The following RBM43 variants were observed in gnomAD, a reference collection of about 807,000 sequenced individuals.
The protein encoded by RBM43 is RNA-binding protein 43.
RBM43 carries 12 observed loss-of-function variants against 12.4 expected under a neutral mutation model. That is an observed-to-expected ratio of 0.97 (90% CI 0.62 to 1.57). The LOEUF (loss-of-function observed/expected upper bound fraction) is 1.57, where lower values mean the gene tolerates loss of function less well. Ranked by LOEUF, RBM43 falls within the 40% of genes most tolerant of loss-of-function variation. The probability of loss-of-function intolerance (pLI) is 0.00; values close to 1 mark genes in which losing one functional copy is unlikely to be tolerated. For missense variants in RBM43, 348 were observed against 400.1 expected, an observed-to-expected ratio of 0.87 and a Z score of 1.11; for synonymous variants, 138 against 145.7, an observed-to-expected ratio of 0.95 and a Z score of 0.38.
Position 151,251,678 on chromosome 2 carries a change from G to A in RBM43, c.316-14C>T. ...AGAGCTGAAGATCTGAAATTAAAAA[G>A]AGAGAAATGAAAACAGTACTGCCTA... On this transcript the variant is annotated splice_polypyrimidine_tract_variant and intron_variant, in intron 3 of 3. Coordinates refer to ENST00000331426, the MANE Select transcript of RBM43 (RefSeq NM_198557.3). The A allele has an allele frequency of 6.3e-7, 1 of 1,597,642 alleles. No individual in the cohort carries two copies. The highest frequency in any genetic ancestry group is 8.5e-7 in the Non-Finnish European group (1 of 1,174,564).
intron 1 of RBM43, chr2:151,261,266 T>C (rs2271811): frequency 0.45 from 691,522 of 1,549,860 alleles, 159,557 homozygotes; most frequent in Admixed American, 0.58. Flanking sequence ...ATCGTTCTTA[T>C]TAGCCCTTTT....
chr2:151,256,409 A>G (rs1044738479), intron 1 of RBM43, among the ~76,000 whole-genome samples: 4 of 152,212 alleles, frequency 2.6e-5, no homozygotes, highest in Non-Finnish European at 4.4e-5. Flanking sequence ...ACCACAAAAT[A>G]TGGTATTTGG....
chr2:151,259,518 A>G (rs562555665), intron 1 of RBM43, among the ~76,000 whole-genome samples: 17 of 152,158 alleles, frequency 1.1e-4, no homozygotes, highest in Admixed American at 5.9e-4. Flanking sequence ...AGGCGCCTGT[A>G]ATCCCAGCTA....
In RBM43 at chr2:151,250,773, A is replaced by T. The variant is rs185766963; in HGVS notation, c.*133T>A. ...TAGTTTCTTCCGCTGTAACATGAGG[A>T]TAGTCAACACTGACAAAGAAGGATG... On this transcript the variant is annotated 3_prime_UTR_variant, in exon 4 of 4. Transcript: ENST00000331426. 3.1e-6 allele frequency: 2 copies of T among 655,414 alleles called. No homozygotes were observed. Among genetic ancestry groups the T allele is most frequent in the East Asian group, 5.2e-5 (2 of 38,416 alleles). The allele number at this position is 655,414 out of a possible 1,614,324, so 40.6% of individuals were successfully genotyped here.
At chr2:151,258,030 T>G (rs1183324569) in intron 1 of RBM43, among the ~76,000 whole-genome samples, 1 of 151,522 alleles carries the variant, frequency 6.6e-6, no homozygotes, top group Non-Finnish European at 1.5e-5. Context: ...ATTGTGCCAT[T>G]GCACTCCAGC....
In RBM43 at chr2:151,250,992, T is replaced by C. The variant is rs1682893184; in HGVS notation, c.988A>G (p.Thr330Ala). ...YLEVLINLYR[T>A]HIDIIGSSSD... ...GAAGATCCTATAATGTCAATGTGTG[T>C]CCTATAAAGGTTAATCAGGACTTCA... is the stretch of plus-strand genomic sequence containing the variant. Residue 330 changes from threonine to alanine, a missense_variant, in exon 4 of 4, where the codon ACA becomes GCA. Thr to Ala is a moderately conservative substitution (Grantham distance 58). Coordinates refer to ENST00000331426, the MANE Select transcript of RBM43 (RefSeq NM_198557.3). 1 of 1,613,334 alleles carries C rather than the reference T, an allele frequency of 6.2e-7. No homozygotes were observed. Among genetic ancestry groups the C allele is most frequent in the African/African-American group, 1.3e-5 (1 of 74,926 alleles).
intron 1 of RBM43, 125 bp downstream of exon 1, chr2:151,261,600 G>A: frequency 6.5e-7 from 1 of 1,536,630 alleles, no homozygotes; most frequent in Non-Finnish European, 8.8e-7. Context: ...CCCTCCGTGC[G>A]CCGCCCCCTC....
chr2:151,257,414 A>G (rs909197766), intron 1 of RBM43, among the ~76,000 whole-genome samples: 1 of 152,344 alleles, frequency 6.6e-6, no homozygotes, highest in Admixed American at 6.5e-5. Flanking sequence ...AAAGAAGGCC[A>G]GGCACGGTGG....
At chr2:151,252,893 T>A (rs746394381) in intron 2 of RBM43, 38 bp from the exon 3 acceptor site, 16 of 927,070 alleles carry the variant, frequency 1.7e-5, no homozygotes, top group Non-Finnish European at 2.4e-5. Flanking sequence ...GTTTATGGCA[T>A]GATACACTAA....
chr2:151,255,304 G>C (rs1682956776), intron 2 of RBM43, among the ~76,000 whole-genome samples: 1 of 151,898 alleles, frequency 6.6e-6, no homozygotes, highest in Non-Finnish European at 1.5e-5. Context: ...TGTAATCCCA[G>C]CTATTCAGGA....
intron 1 of RBM43, chr2:151,261,253 C>G (rs1368600258): frequency 6.5e-7 from 1 of 1,544,654 alleles, no homozygotes; most frequent in East Asian, 2.5e-5. Context: ...GTCCTTGGCT[C>G]GAATCGTTCT....
At chr2:151,259,105 G>C (rs1683012846) in intron 1 of RBM43, among the ~76,000 whole-genome samples, 1 of 150,672 alleles carries the variant, frequency 6.6e-6, no homozygotes, top group Non-Finnish European at 1.5e-5. Context: ...CTGCACTCCA[G>C]CCTGCCTGGG....
chr2:151,255,409 C>T (rs1341185175), intron 2 of RBM43, 124 bp downstream of exon 2: 4 of 604,338 alleles, frequency 6.6e-6, no homozygotes, highest in Admixed American at 3.3e-5. Context: ...CAGAGTGAGA[C>T]TGTGTCTCAA....
chr2:151,251,820 G>A (rs1006267580), intron 3 of RBM43, among the ~76,000 whole-genome samples, 156 bp from the exon 4 acceptor site: 10 of 152,166 alleles, frequency 6.6e-5, no homozygotes, highest in African/African-American at 2.2e-4. Flanking sequence ...CACCAGGGCA[G>A]CCCATCAAAG....
At chr2:151,253,027 A>T (rs1682925666) in intron 2 of RBM43, among the ~76,000 whole-genome samples, 172 bp from the exon 3 acceptor site, 1 of 152,244 alleles carries the variant, frequency 6.6e-6, no homozygotes, top group African/African-American at 2.4e-5. Context: ...ATTAAAGTTC[A>T]TTTTATGTGT....
chr2:151,254,759 T>A (rs146991661), intron 2 of RBM43, among the ~76,000 whole-genome samples: 185 of 152,262 alleles, frequency 1.2e-3, no homozygotes, highest in African/African-American at 4.2e-3. Context: ...CTCATTCTGA[T>A]CTCAAATCCA....
chr2:151,254,560 C>T (rs1410916908), intron 2 of RBM43, among the ~76,000 whole-genome samples: 1 of 152,166 alleles, frequency 6.6e-6, no homozygotes, highest in African/African-American at 2.4e-5. Flanking sequence ...TCTGCTCCAA[C>T]CCCCATGTGG....
intron 3 of RBM43, 87 bp from the exon 4 acceptor site, chr2:151,251,751 C>G: frequency 7.6e-7 from 1 of 1,310,970 alleles, no homozygotes; most frequent in Non-Finnish European, 1.0e-6. Flanking sequence ...TTTCTTTTCT[C>G]TGCAGAAATT....
At chr2:151,256,947 C>A in intron 1 of RBM43, among the ~76,000 whole-genome samples, 1 of 152,332 alleles carries the variant, frequency 6.6e-6, no homozygotes, top group Middle Eastern at 3.4e-3. Flanking sequence ...GCAGACCCTG[C>A]CACCATGCTG....
Sources: gnomAD v4.1 joint callset for allele counts (sites outside exome capture counted in the v4.1 genomes callset) on GRCh38, gnomAD v4.1.1 for gene constraint, MANE v1.5 for transcripts, NCBI Gene and HGNC (gene_info 2026-07-23, HGNC 2026-07-21) for gene names.